The following TARS3 variants were observed in gnomAD, a reference collection of about 807,000 sequenced individuals.
The protein encoded by TARS3 is threonine--tRNA ligase 2, cytoplasmic.
In TARS3, 94 loss-of-function variants were observed where a neutral mutation model predicts 103.5. That is an observed-to-expected ratio of 0.91 (90% CI 0.77 to 1.08). TARS3 has a LOEUF of 1.08. Ranked by LOEUF, TARS3 falls within the 50% of genes least tolerant of loss-of-function variation. The probability of loss-of-function intolerance (pLI) is 0.00; values close to 1 mark genes in which losing one functional copy is unlikely to be tolerated. For synonymous variants in TARS3, 416 were observed against 355.4 expected, an observed-to-expected ratio of 1.17 and a Z score of -1.92; for missense variants, 952 against 995.2, an observed-to-expected ratio of 0.96 and a Z score of 0.58.
chr15:101,665,084 C>A (rs1011455803), intron 15 of TARS3, among the ~76,000 whole-genome samples: 1 of 152,198 alleles, frequency 6.6e-6, no homozygotes, highest in African/African-American at 2.4e-5. Flanking sequence ...CTGAAGGAAG[C>A]ATAAACAGCC....
intron 15 of TARS3, among the ~76,000 whole-genome samples, chr15:101,667,497 C>G (rs1897625200): frequency 6.6e-6 from 1 of 152,018 alleles, no homozygotes; most frequent in Admixed American, 6.6e-5. Flanking sequence ...TTGATCTTAG[C>G]TAGATCTTCT....
At chr15:101,704,421 G>A (rs113892376) in intron 7 of TARS3, among the ~76,000 whole-genome samples, 10,154 of 152,160 alleles carry the variant, frequency 0.067, 717 homozygotes, top group African/African-American at 0.17. Context: ...TTGGGAGGCC[G>A]AGGCGGGTGG....
intron 2 of TARS3, among the ~76,000 whole-genome samples, chr15:101,722,308 C>G (rs1389218764): frequency 6.6e-6 from 1 of 150,994 alleles, no homozygotes; most frequent in Non-Finnish European, 1.5e-5. Flanking sequence ...TACAGAGTCA[C>G]ACATTACAGC....
rs891750605 is a variant in TARS3 at position 101,709,042 on chromosome 15, A to G, written c.813-132T>C. Reference sequence around the variant, plus strand: ...TTGTTCCAGGACTTCAGAAAGTCAAACGTTCATACAGTCACTACTCTTGTG... The same window carrying G: ...TTGTTCCAGGACTTCAGAAAGTCAAGCGTTCATACAGTCACTACTCTTGTG... On this transcript the variant is annotated intron_variant, in intron 5 of 18. Coordinates refer to ENST00000335968, the MANE Select transcript of TARS3 (RefSeq NM_152334.3). The G allele has an allele frequency of 1.6e-5, 10 of 620,968 alleles. No homozygotes were observed. In the African/African-American group the frequency reaches 1.7e-4, roughly 11 times the overall value. 38.5% of individuals were successfully genotyped at this position (620,968 alleles called of 1,614,324 possible).
chr15:101,715,902 C>T (rs1283402394), intron 3 of TARS3, among the ~76,000 whole-genome samples: 1 of 152,154 alleles, frequency 6.6e-6, no homozygotes, highest in African/African-American at 2.4e-5. Flanking sequence ...TCCACGTACC[C>T]CGATTTTTAA....
chr15:101,679,160 T>C (rs1898152923), intron 12 of TARS3, among the ~76,000 whole-genome samples: 1 of 152,212 alleles, frequency 6.6e-6, no homozygotes, highest in Admixed American at 6.5e-5. Flanking sequence ...CTTTCTTGAA[T>C]CTGTAGATGT....
chr15:101,722,972 T>C (rs558167693), intron 2 of TARS3, 121 bp downstream of exon 2: 10 of 936,548 alleles, frequency 1.1e-5, no homozygotes, highest in Non-Finnish European at 1.6e-5. Flanking sequence ...TTAAATACAC[T>C]AATGTGACCC....
intron 13 of TARS3, 119 bp downstream of exon 13, chr15:101,675,481 A>T: frequency 2.1e-6 from 2 of 958,400 alleles, no homozygotes; most frequent in East Asian, 4.8e-5. Flanking sequence ...TATCTATCTC[A>T]TAATTTCCAG....
intron 12 of TARS3, among the ~76,000 whole-genome samples, chr15:101,683,788 G>T (rs1024972524): frequency 2.0e-5 from 3 of 152,166 alleles, no homozygotes; most frequent in Non-Finnish European, 4.4e-5. Flanking sequence ...TAAATTTTAA[G>T]TTCTAGGCGA....
intron 10 of TARS3, among the ~76,000 whole-genome samples, chr15:101,700,203 G>A (rs1251777997): frequency 6.6e-6 from 1 of 152,204 alleles, no homozygotes; most frequent in Admixed American, 6.5e-5. Context: ...TGCAAGCATG[G>A]AAATGTAATC....
intron 10 of TARS3, 56 bp from the exon 11 acceptor site, chr15:101,686,118 G>A: frequency 5.5e-6 from 8 of 1,453,818 alleles, no homozygotes; most frequent in Non-Finnish European, 7.5e-6. Context: ...ACAATTCCAT[G>A]CAAAGTAACA....
Position 101,685,937 on chromosome 15 carries a change from C to T in TARS3, c.1446G>A (p.Lys482=). 6.2e-7 allele frequency: 1 copy of T among 1,613,984 alleles called. No individual in the cohort carries two copies. Among genetic ancestry groups the T allele is most frequent in the Non-Finnish European group, 8.5e-7 (1 of 1,179,882 alleles). ...SENMFTFEIE[K]DTFALKPMNC... ...TCATGGGTTTGAGGGCAAAAGTGTC[C>T]TTTTCAATCTCAAAGGTAAACATGT... The change falls in exon 11 of 19, where the codon AAG becomes AAA. Residue 482 remains lysine (K), a synonymous_variant. Coordinates refer to ENST00000335968, the MANE Select transcript of TARS3 (RefSeq NM_152334.3).
At chr15:101,712,068 G>C in intron 4 of TARS3, 67 bp from the exon 5 acceptor site, 2 of 1,515,488 alleles carry the variant, frequency 1.3e-6, no homozygotes, top group Non-Finnish European at 1.8e-6. Context: ...GTAGTAAAAT[G>C]ATGTAAACCA....
chr15:101,695,545 C>G (rs569289429), intron 10 of TARS3, among the ~76,000 whole-genome samples: 1 of 152,288 alleles, frequency 6.6e-6, no homozygotes, highest in Non-Finnish European at 1.5e-5. Context: ...AGTAACGCTT[C>G]TATGAACATC....
intron 15 of TARS3, among the ~76,000 whole-genome samples, chr15:101,667,501 A>G (rs920939444): frequency 1.3e-5 from 2 of 151,886 alleles, no homozygotes; most frequent in Admixed American, 6.6e-5. Flanking sequence ...TCTTAGCTAG[A>G]TCTTCTGGAT....
chr15:101,707,242 G>A (rs1159925002), intron 6 of TARS3, among the ~76,000 whole-genome samples: 1 of 152,126 alleles, frequency 6.6e-6, no homozygotes, highest in Non-Finnish European at 1.5e-5. Flanking sequence ...TGGTGGGACT[G>A]TAAAATGGTG....
In TARS3 at chr15:101,724,229, C is replaced by A. The variant is rs757422117; in HGVS notation, c.159G>T (p.Glu53Asp). Residue 53 changes from glutamate (E) to aspartate (D), a missense_variant, in exon 1 of 19, where the codon GAG becomes GAT. Transcript: ENST00000335968. ...AGTTCTCGGCCCGGAGCTGCGCCAC[C>A]TCCCGCGTGAGGCACGGCCCCTCCG... ...CQAEGPCLTR[E>D]VAQLRAENCD... 6.5e-7 allele frequency: 1 copy of A among 1,547,110 alleles called. No homozygotes were observed. The highest frequency in any genetic ancestry group is 8.7e-7 in the Non-Finnish European group (1 of 1,153,864).
At chr15:101,702,912 A>G (rs113984963) in intron 8 of TARS3, among the ~76,000 whole-genome samples, 3 of 152,234 alleles carry the variant, frequency 2.0e-5, no homozygotes, top group African/African-American at 7.2e-5. Context: ...AGAGTCTGCT[A>G]TGGATTCTAG....
intron 4 of TARS3, among the ~76,000 whole-genome samples, chr15:101,713,804 C>T (rs1222118884): frequency 6.6e-6 from 1 of 152,184 alleles, no homozygotes; most frequent in African/African-American, 2.4e-5. Flanking sequence ...TGCATAAAAA[C>T]TGAGGCATGG....
Sources: allele counts gnomAD v4.1 joint callset (sites outside exome capture counted in the v4.1 genomes callset), GRCh38; gene constraint gnomAD v4.1.1; transcripts MANE v1.5; gene names NCBI Gene and HGNC (gene_info 2026-07-23, HGNC 2026-07-21).